EDA: variants seen among roughly 807,000 people sequenced by gnomAD.
EDA encodes ectodysplasin-A.
EDA carries 2 observed loss-of-function variants against 23.6 expected under a neutral mutation model. The observed-to-expected ratio is 0.08, with a 90% CI of 0.03 to 0.27. The LOEUF (loss-of-function observed/expected upper bound fraction) is 0.27. EDA is among the 10% of genes least tolerant of loss of function. The pLI is 1.00. For missense variants in EDA, 229 were observed against 324.2 expected, an observed-to-expected ratio of 0.71 and a Z score of 2.26; for synonymous variants, 131 against 132.0, an observed-to-expected ratio of 0.99 and a Z score of 0.05.
intron 2 of EDA, among the ~76,000 whole-genome samples, chrX:70,015,292 G>A (rs7066374): frequency 0.089 from 9,926 of 111,734 alleles, 1,029 homozygotes; most frequent in African/African-American, 0.3. Flanking sequence ...AGAAACTCCG[G>A]CCAGGCACAG....
intron 1 of EDA, among the ~76,000 whole-genome samples, chrX:69,744,399 G>T (rs1277858479): frequency 1.8e-5 from 2 of 111,872 alleles, no homozygotes; most frequent in African/African-American, 6.5e-5. Context: ...CTGAAGCCCC[G>T]TGTTTCCCAT....
chrX:70,019,162 G>T lies in EDA; in HGVS notation c.503-4056G>T, dbSNP rs569018562. 3.6e-5 allele frequency among the ~76,000 whole-genome samples: 4 copies of T among 111,741 alleles called. 1 individual carries two copies. The highest frequency in any genetic ancestry group is 1.3e-4 in the African/African-American group (4 of 30,781). On this transcript the variant is annotated intron_variant, in intron 2 of 7. Coordinates refer to ENST00000374552, the MANE Select transcript of EDA (RefSeq NM_001399.5). ...ATGAGATACCATCTCACACCAGTCAGAATGGCTATTACTAAAAAAATCAAA... is the reference window on the plus strand; with the variant it reads ...ATGAGATACCATCTCACACCAGTCATAATGGCTATTACTAAAAAAATCAAA...
chrX:69,940,758 C>T lies in EDA; in HGVS notation c.397-16269C>T, dbSNP rs537425984. On this transcript the variant is annotated intron_variant, in intron 1 of 7. Transcript: ENST00000374552. ...TCATGATAAATGAGGTATCCATTTC[C>T]TCAAACATTTATCCCTTGTGTTACA... Among the ~76,000 whole-genome samples, 109 of 111,384 alleles carry T rather than the reference C, an allele frequency of 9.8e-4. 3 individuals are homozygous for T. In the South Asian group the frequency reaches 0.04, roughly 40 times the overall value.
At chrX:69,795,086 C>T (rs1161468657) in intron 1 of EDA, among the ~76,000 whole-genome samples, 1 of 111,923 alleles carries the variant, frequency 8.9e-6, no homozygotes, top group Non-Finnish European at 1.9e-5. Context: ...TGCAGTGGCA[C>T]AATCATAGCT....
intron 1 of EDA, among the ~76,000 whole-genome samples, chrX:69,718,699 T>C (rs2012447922): frequency 9.0e-6 from 1 of 111,621 alleles, no homozygotes; most frequent in Non-Finnish European, 1.9e-5. Context: ...AGTTTGCTAA[T>C]ATTTTTATGA....
At chrX:69,989,352 A>G (rs1021344060) in intron 2 of EDA, among the ~76,000 whole-genome samples, 40 of 111,867 alleles carry the variant, frequency 3.6e-4, no homozygotes, top group Admixed American at 2.1e-3. Context: ...TGCCAGGGTC[A>G]TGTCAGCAGG....
chrX:69,924,789 G>A (rs2018487955), intron 1 of EDA, among the ~76,000 whole-genome samples: 1 of 112,088 alleles, frequency 8.9e-6, no homozygotes, highest in African/African-American at 3.2e-5. Context: ...AGGATGGAAT[G>A]TTTTTCCAAT....
intron 1 of EDA, among the ~76,000 whole-genome samples, chrX:69,854,770 G>A (rs1292695479): frequency 4.5e-5 from 5 of 111,758 alleles, no homozygotes; most frequent in Admixed American, 9.4e-5. Flanking sequence ...ATGAACATAC[G>A]CATGCATGTG....
Position 70,038,943 on chromosome X carries a change from T to A in EDA, c.*3334T>A, listed in dbSNP as rs2020298129. 8.9e-6 allele frequency: 1 copy of A among 112,223 alleles called. No homozygotes were observed. Among genetic ancestry groups the A allele is most frequent in the Non-Finnish European group, 1.9e-5 (1 of 53,201 alleles). 9.2% of individuals were successfully genotyped at this position (112,223 alleles called of 1,213,427 possible). A position where few individuals can be genotyped will look rare whatever the true frequency, so the allele number is the denominator to read the frequency against. The stretch of plus-strand genomic sequence containing the variant: ...GGGGTAAAGCAGTTCCTGTCCCACA[T>A]GGCCATCTTCTTTCTTCCACCCACA... On this transcript the variant is annotated 3_prime_UTR_variant, in exon 8 of 8. Transcript: ENST00000374552.
chrX:69,734,196 A>T (rs1241510699), intron 1 of EDA, among the ~76,000 whole-genome samples: 1 of 111,191 alleles, frequency 9.0e-6, no homozygotes. Context: ...AAATTTGTCC[A>T]TTTGTCTGAG....
At chrX:70,035,140 G>A (rs1260507507) in intron 7 of EDA, among the ~76,000 whole-genome samples, 2 of 111,803 alleles carry the variant, frequency 1.8e-5, no homozygotes, top group Non-Finnish European at 3.8e-5. Flanking sequence ...TGTAAGAAAA[G>A]TTTGCTCAGC....
At chrX:69,903,113 G>A (rs188933629) in intron 1 of EDA, among the ~76,000 whole-genome samples, 1 of 111,644 alleles carries the variant, frequency 9.0e-6, no homozygotes, top group Admixed American at 9.6e-5. Flanking sequence ...TAATCCCTCA[G>A]GGTCTTACTT....
At chrX:69,844,330 A>G (rs1192644688) in intron 1 of EDA, among the ~76,000 whole-genome samples, 1 of 112,445 alleles carries the variant, frequency 8.9e-6, no homozygotes, top group African/African-American at 3.2e-5. Flanking sequence ...AATAATCCAA[A>G]TAGACTTTTA....
chrX:69,982,283 A>C (rs2019420120), intron 2 of EDA, among the ~76,000 whole-genome samples: 2 of 111,489 alleles, frequency 1.8e-5, no homozygotes, highest in South Asian at 7.6e-4. Flanking sequence ...TGTGAATGTC[A>C]AATCTTGTTT....
intron 1 of EDA, among the ~76,000 whole-genome samples, chrX:69,904,184 A>G (rs889535255): frequency 2.7e-5 from 3 of 111,983 alleles, no homozygotes; most frequent in African/African-American, 9.7e-5. Context: ...AGTCATCTCA[A>G]GCATTTATCT....
At chrX:69,877,409 A>G (rs1415099499) in intron 1 of EDA, among the ~76,000 whole-genome samples, 1 of 112,508 alleles carries the variant, frequency 8.9e-6, no homozygotes, top group Non-Finnish European at 1.9e-5. Flanking sequence ...CAGACATCCT[A>G]ATAAGCATAT....
chrX:70,027,312 C>T (rs5980680), intron 3 of EDA, among the ~76,000 whole-genome samples: 22,959 of 110,764 alleles, frequency 0.21, 2,239 homozygotes, highest in East Asian at 0.49. Context: ...TGGAGGGCCA[C>T]TTATTTCTAT....
chrX:69,799,935 G>A (rs747158931), intron 1 of EDA, among the ~76,000 whole-genome samples: 1 of 111,929 alleles, frequency 8.9e-6, no homozygotes, highest in South Asian at 3.7e-4. Flanking sequence ...TTATTGTAGC[G>A]CTGTTCACAA....
intron 1 of EDA, among the ~76,000 whole-genome samples, chrX:69,915,550 C>T (rs2018327879): frequency 9.4e-6 from 1 of 106,301 alleles, no homozygotes; most frequent in African/African-American, 3.4e-5. Flanking sequence ...TTGCAGTGAG[C>T]CAAGATCGTG....
Sources: gnomAD v4.1 joint callset for allele counts (sites outside exome capture counted in the v4.1 genomes callset) on GRCh38, gnomAD v4.1.1 for gene constraint, MANE v1.5 for transcripts, NCBI Gene and HGNC (gene_info 2026-07-23, HGNC 2026-07-21) for gene names.